ROS1: variants seen among roughly 807,000 people sequenced by gnomAD.
ROS1 encodes ROS proto-oncogene 1, receptor tyrosine kinase.
Under a neutral mutation model 273.5 loss-of-function variants are expected in ROS1, and 263 were observed. That is an observed-to-expected ratio of 0.96 (90% confidence interval 0.87 to 1.06). ROS1 has a LOEUF of 1.06. Among genes scored for constraint, ROS1 ranks in the 50% least tolerant of loss-of-function variants. ROS1 has a pLI of 0.00. For missense variants in ROS1, 2,833 were observed against 2,751.1 expected, an observed-to-expected ratio of 1.03 and a Z score of -0.67; for synonymous variants, 1,008 against 954.1, an observed-to-expected ratio of 1.06 and a Z score of -1.04.
chr6:117,356,886 A>T lies in ROS1; in HGVS notation c.3869T>A (p.Phe1290Tyr), dbSNP rs575502427. ...ACTGTAGTAGAACATCTGGTAGCCA[A>T]AATTGGAAACTTCTGTCCAATACAA... ...SRLYWTEVSN[F>Y]GYQMFYYSII... is the part of the protein sequence containing the mutation. Residue 1290 changes from phenylalanine (F) to tyrosine (Y), a missense_variant, in exon 26 of 44, where the codon TTT (phenylalanine) becomes TAT (tyrosine). Transcript: ENST00000368507. 4.3e-6 allele frequency: 7 copies of T among 1,614,116 alleles called. 1 individual carries two copies. In the South Asian group the frequency reaches 7.7e-5, roughly 18 times the overall value.
At chr6:117,422,591 T>C (rs1775841600) in intron 1 of ROS1, among the ~76,000 whole-genome samples, 1 of 152,166 alleles carries the variant, frequency 6.6e-6, no homozygotes, top group African/African-American at 2.4e-5. Flanking sequence ...TATATATTGA[T>C]ATACAAGACA....
At chr6:117,339,754 A>G (rs529797453) in intron 31 of ROS1, among the ~76,000 whole-genome samples, 10 of 152,276 alleles carry the variant, frequency 6.6e-5, no homozygotes, top group African/African-American at 2.2e-4. Context: ...TAGAAACAAA[A>G]AGCACTGCAT....
At chr6:117,351,916 C>A (rs1778897343) in intron 27 of ROS1, among the ~76,000 whole-genome samples, 1 of 152,176 alleles carries the variant, frequency 6.6e-6, no homozygotes, top group Non-Finnish European at 1.5e-5. Flanking sequence ...TAAATTTTAA[C>A]ATTTTTCAAT....
intron 43 of ROS1, among the ~76,000 whole-genome samples, chr6:117,292,243 T>C (rs1456160007): frequency 6.6e-6 from 1 of 152,152 alleles, no homozygotes. Context: ...GTGCTGGGAT[T>C]ACAGGTATGA....
chr6:117,368,706 ATT>A (rs1345079165), intron 18 of ROS1, among the ~76,000 whole-genome samples: 2 of 152,288 alleles, frequency 1.3e-5, no homozygotes, highest in African/African-American at 4.8e-5. Flanking sequence ...ATATTAAAAT[ATT>A]TTTGAGTATT....
Position 117,353,146 on chromosome 6 carries a change from T to G in ROS1, c.4147A>C (p.Thr1383Pro), listed in dbSNP as rs1444059505. 1 of 1,610,232 alleles carries G rather than the reference T, an allele frequency of 6.2e-7. No individual in the cohort carries two copies. Among genetic ancestry groups the G allele is most frequent in the Admixed American group, 1.7e-5 (1 of 59,678 alleles). ...CAGTATATAAGATCTCCATCCACAG[T>G]TAAGCTAACAAGGGTTTTTCCTGCT... is the stretch of plus-strand genomic sequence containing the variant. ...AMLGKTLVSLTVDGDLIYWII... is the reference protein window; with the variant it reads ...AMLGKTLVSLPVDGDLIYWII... Residue 1383 changes from threonine (T) to proline (P), a missense_variant, in exon 27 of 44, where the codon ACT (threonine) becomes CCT (proline). Physicochemically the swap from Thr to Pro is conservative, Grantham distance 38 (BLOSUM62 -1). Coordinates refer to ENST00000368507, the MANE Select transcript of ROS1 (RefSeq NM_001378902.1).
intron 39 of ROS1, among the ~76,000 whole-genome samples, chr6:117,315,753 G>A (rs567945163): frequency 6.6e-6 from 1 of 152,222 alleles, no homozygotes; most frequent in African/African-American, 2.4e-5. Flanking sequence ...GACAAGAATT[G>A]AGGAAGATTC....
intron 18 of ROS1, among the ~76,000 whole-genome samples, chr6:117,373,718 C>A (rs1221350202): frequency 6.6e-6 from 1 of 152,328 alleles, no homozygotes; most frequent in East Asian, 1.9e-4. Flanking sequence ...TCAGCCAGCC[C>A]AGAGAGGGGC....
chr6:117,325,860 A>G (rs998760569), intron 34 of ROS1, among the ~76,000 whole-genome samples: 11 of 151,966 alleles, frequency 7.2e-5, no homozygotes. Context: ...TAGGCCTGTT[A>G]TGTATAATGT....
At chr6:117,405,555 C>G (rs559233773) in intron 5 of ROS1, among the ~76,000 whole-genome samples, 23 of 151,456 alleles carry the variant, frequency 1.5e-4, no homozygotes, top group African/African-American at 5.6e-4. Context: ...CAGGAGGCAT[C>G]AGAAATGACA....
intron 33 of ROS1, chr6:117,328,556 A>G (rs1288100408): frequency 4.8e-6 from 2 of 416,068 alleles, no homozygotes; most frequent in Admixed American, 3.5e-5. Flanking sequence ...GGAATGCCAG[A>G]GCCAGATGAA....
chr6:117,358,264 G>T (rs541385573), intron 24 of ROS1, among the ~76,000 whole-genome samples: 1 of 151,778 alleles, frequency 6.6e-6, no homozygotes, highest in Non-Finnish European at 1.5e-5. Flanking sequence ...GATCTTTAAT[G>T]AGTCACTGAT....
chr6:117,340,809 T>G (rs968814561), intron 31 of ROS1, among the ~76,000 whole-genome samples: 1 of 150,946 alleles, frequency 6.6e-6, no homozygotes, highest in Non-Finnish European at 1.5e-5. Flanking sequence ...TCTTTTTCAT[T>G]TTTTTTTCAT....
chr6:117,318,873 C>A (rs1163470565), intron 37 of ROS1, among the ~76,000 whole-genome samples: 1 of 152,106 alleles, frequency 6.6e-6, no homozygotes, highest in African/African-American at 2.4e-5. Flanking sequence ...AATGAGGCAG[C>A]AAGCATGAAC....
At chr6:117,322,440 G>A (rs1369998959) in intron 35 of ROS1, among the ~76,000 whole-genome samples, 1 of 151,970 alleles carries the variant, frequency 6.6e-6, no homozygotes, top group Non-Finnish European at 1.5e-5. Flanking sequence ...ATCTATTTTT[G>A]TCTTTTGTTA....
intron 18 of ROS1, among the ~76,000 whole-genome samples, chr6:117,370,964 T>A (rs1329220868): frequency 6.6e-6 from 1 of 152,174 alleles, no homozygotes; most frequent in African/African-American, 2.4e-5. Context: ...ATGCCGTAAT[T>A]AAAATGCAGA....
At chr6:117,322,301 T>A (rs1037051687) in intron 35 of ROS1, among the ~76,000 whole-genome samples, 5 of 152,142 alleles carry the variant, frequency 3.3e-5, no homozygotes, top group Admixed American at 6.6e-5. Context: ...AAAGGCCCAA[T>A]GTAAGCCCAC....
In ROS1 at chr6:117,321,375, C is replaced by G; in HGVS notation, c.5643G>C (p.Lys1881Asn). 2 of 1,612,356 alleles carry G rather than the reference C, an allele frequency of 1.2e-6. No individual in the cohort carries two copies. The highest frequency in any genetic ancestry group is 1.7e-6 in the Non-Finnish European group (2 of 1,179,268). The change falls in exon 36 of 44, where the codon AAG (lysine) becomes AAC (asparagine). Residue 1881 changes from lysine to asparagine, a missense_variant. Coordinates refer to ENST00000368507, the MANE Select transcript of ROS1 (RefSeq NM_001378902.1). ...CCCCTTCCTTGGCACTTTTTTGATTCTTTAATCTTCTATGCCAGACTATAA... is the reference window on the plus strand; with the variant it reads ...CCCCTTCCTTGGCACTTTTTTGATTGTTTAATCTTCTATGCCAGACTATAA... The part of the protein sequence containing the change: ...PLTFVWHRRL[K>N]NQKSAKEGVT...
intron 27 of ROS1, among the ~76,000 whole-genome samples, chr6:117,345,702 G>A (rs1012820808): frequency 1.3e-5 from 2 of 152,148 alleles, no homozygotes. Context: ...TTTGTCTTGG[G>A]AAGGTTACTC....
Sources: allele counts gnomAD v4.1 joint callset (sites outside exome capture counted in the v4.1 genomes callset), GRCh38; gene constraint gnomAD v4.1.1; transcripts MANE v1.5; gene names NCBI Gene and HGNC (gene_info 2026-07-23, HGNC 2026-07-21).